Variants in STK3 observed in about 807,000 individuals in gnomAD.
STK3 encodes the protein serine/threonine-protein kinase 3.
A neutral mutation model predicts 58.0 loss-of-function variants in STK3; 41 were observed. The ratio of observed to expected loss-of-function variants is 0.71; its 90% CI spans 0.55 to 0.92. The LOEUF (loss-of-function observed/expected upper bound fraction) is 0.92. STK3 is among the 40% of genes least tolerant of loss of function. STK3 has a pLI of 0.00. For missense variants in STK3, 479 were observed against 602.7 expected (o/e 0.79, Z 2.15); for synonymous variants, 170 against 191.0 (o/e 0.89, Z 0.91).
chr8:98,349,423 G>T, the STK3 span, among the ~76,000 whole-genome samples: 1 of 152,198 alleles, frequency 6.6e-6, no homozygotes, highest in Non-Finnish European at 1.5e-5. Context: ...TTCACAGGGT[G>T]GTGTTGAGCA....
rs1819375084 is a variant in STK3 at position 98,454,819 on chromosome 8, TC to T, written c.*1022del. 2 of 152,566 alleles carry T rather than the reference TC, an allele frequency of 1.3e-5. No homozygotes were observed. The highest frequency in any genetic ancestry group is 4.8e-5 in the African/African-American group (2 of 41,426). 9.5% of individuals were successfully genotyped at this position (152,566 alleles called of 1,614,324 possible). A position where few individuals can be genotyped will look rare whatever the true frequency, so the allele number is the denominator to read the frequency against. On this transcript the variant is annotated 3_prime_UTR_variant, in exon 11 of 11. Transcript: ENST00000419617. ...TTTAATGGTTTTAATCTTTTTTTTT[TC>T]AGTCCCCAAGGCTTGTACCACTCAG...
Position 98,661,830 on chromosome 8 carries a change from CT to C in STK3, c.684+44636del, listed in dbSNP as rs910396537. On this transcript the variant is annotated intron_variant, in intron 6 of 10. Coordinates refer to ENST00000419617, the MANE Select transcript of STK3 (RefSeq NM_006281.4). ...TCTGATTAGAAAAACCTTACTTTGT[CT>C]ACCCCCATCTCTACTTCTTTAGTCT... Among the ~76,000 whole-genome samples, 1,406 of 152,158 alleles carry C rather than the reference CT, an allele frequency of 9.2e-3. 16 individuals are homozygous for C. Among genetic ancestry groups the C allele is most frequent in the African/African-American group, 0.032 (1,331 of 41,526 alleles).
Position 98,728,002 on chromosome 8 carries a change from T to G in STK3, c.352-20691A>C, listed in dbSNP as rs1281883917. ...CTCAAAAGTAATACTTAAGCTTACATGTAAGATTTTATCTGATCATTCATC... is the reference window on the plus strand; with the variant it reads ...CTCAAAAGTAATACTTAAGCTTACAGGTAAGATTTTATCTGATCATTCATC... On this transcript the variant is annotated intron_variant, in intron 4 of 10. Transcript: ENST00000419617. 2.6e-5 allele frequency among the ~76,000 whole-genome samples: 4 copies of G among 152,332 alleles called. No homozygotes were observed. The East Asian group carries it at 7.7e-4, about 29-fold the overall frequency.
chr8:98,805,272 A>T (rs1833825485), intron 1 of STK3, among the ~76,000 whole-genome samples: 1 of 152,144 alleles, frequency 6.6e-6, no homozygotes, highest in Non-Finnish European at 1.5e-5. Flanking sequence ...ATAACATTTT[A>T]AAACTCCCAC....
intron 2 of STK3, among the ~76,000 whole-genome samples, chr8:98,372,541 G>GT (rs11327416): frequency 2.7e-4 from 40 of 150,664 alleles, no homozygotes; most frequent in East Asian, 8.0e-4. Flanking sequence ...GTGGTTTTTT[G>GT]TTTTTTTTTT....
At chr8:98,899,512 T>C (rs1038526611) in intron 1 of STK3, among the ~76,000 whole-genome samples, 1 of 152,174 alleles carries the variant, frequency 6.6e-6, no homozygotes, top group African/African-American at 2.4e-5. Context: ...GCATTTATAG[T>C]GTATTGGGTA....
chr8:98,682,834 A>G (rs1321422599), intron 6 of STK3, among the ~76,000 whole-genome samples: 1 of 152,112 alleles, frequency 6.6e-6, no homozygotes, highest in African/African-American at 2.4e-5. Context: ...ACATGAAATT[A>G]GAGTAAATAC....
At chr8:98,523,462 T>A (rs1014490770) in intron 10 of STK3, among the ~76,000 whole-genome samples, 1 of 149,626 alleles carries the variant, frequency 6.7e-6, no homozygotes, top group African/African-American at 2.5e-5. Flanking sequence ...GCAACCTCCA[T>A]CTCCTGGGTT....
chr8:98,670,640 C>T, intron 6 of STK3, among the ~76,000 whole-genome samples: 1 of 152,162 alleles, frequency 6.6e-6, no homozygotes, highest in East Asian at 1.9e-4. Flanking sequence ...TCTTTCCCAA[C>T]TGGTTCTTTC....
chr8:98,941,227 G>T (rs980574201), intron 1 of STK3, among the ~76,000 whole-genome samples: 6 of 152,258 alleles, frequency 3.9e-5, no homozygotes, highest in Admixed American at 2.0e-4. Context: ...TGTTTTAAAA[G>T]ATAAAATTCT....
chr8:98,735,835 T>A (rs1332544650), intron 4 of STK3, among the ~76,000 whole-genome samples: 6 of 152,184 alleles, frequency 3.9e-5, no homozygotes, highest in African/African-American at 1.4e-4. Flanking sequence ...ACAACTTAAT[T>A]CTATGCCTTC....
chr8:98,780,661 G>GA (rs778487309), intron 1 of STK3, among the ~76,000 whole-genome samples: 40 of 145,640 alleles, frequency 2.7e-4, no homozygotes, highest in Middle Eastern at 3.5e-3. Context: ...AAACACAGGG[G>GA]AAAAAAAAAA....
intron 6 of STK3, among the ~76,000 whole-genome samples, chr8:98,630,165 C>G (rs186902391): frequency 6.6e-6 from 1 of 152,042 alleles, no homozygotes; most frequent in Non-Finnish European, 1.5e-5. Flanking sequence ...TATATGCCAC[C>G]CTGTCTGATG....
intron 9 of STK3, among the ~76,000 whole-genome samples, chr8:98,545,176 G>T (rs1002932067): frequency 3.3e-5 from 5 of 152,182 alleles, no homozygotes; most frequent in Non-Finnish European, 7.3e-5. Flanking sequence ...CAACCAACCT[G>T]CTTTTACCCA....
intron 10 of STK3, chr8:98,526,517 T>C (rs1366876059): frequency 1.6e-5 from 5 of 308,434 alleles, no homozygotes; most frequent in Non-Finnish European, 2.9e-5. Flanking sequence ...TGAGCTATGA[T>C]TTATTTAACT....
intron 1 of STK3, among the ~76,000 whole-genome samples, chr8:98,802,038 A>G (rs1419933204): frequency 1.3e-5 from 2 of 152,170 alleles, no homozygotes; most frequent in Non-Finnish European, 2.9e-5. Context: ...CAGGCATAGT[A>G]ATGGGTGCCT....
chr8:98,684,160 T>A (rs1823818828), intron 6 of STK3, among the ~76,000 whole-genome samples: 1 of 152,164 alleles, frequency 6.6e-6, no homozygotes. Context: ...TTTTTCATCA[T>A]TAGAAAAGAT....
chr8:98,925,169 G>A (rs1160941564), intron 1 of STK3, among the ~76,000 whole-genome samples: 1 of 152,208 alleles, frequency 6.6e-6, no homozygotes, highest in East Asian at 1.9e-4. Context: ...CAGACTCAAT[G>A]CTACTTCTCT....
intron 1 of STK3, among the ~76,000 whole-genome samples, chr8:98,782,851 C>T (rs1832188339): frequency 1.3e-5 from 2 of 151,508 alleles, no homozygotes; most frequent in South Asian, 2.1e-4. Flanking sequence ...GCCTGAGTCC[C>T]ACATGAAAAA....
Sources: gnomAD v4.1 joint callset for allele counts (sites outside exome capture counted in the v4.1 genomes callset) on GRCh38, gnomAD v4.1.1 for gene constraint, MANE v1.5 for transcripts, NCBI Gene and HGNC (gene_info 2026-07-23, HGNC 2026-07-21) for gene names.